The following MMRN2 variants were observed in gnomAD, a reference collection of about 807,000 sequenced individuals.
MMRN2 encodes the protein multimerin 2, also known as multimerin-2.
A neutral mutation model predicts 68.8 loss-of-function variants in MMRN2; 53 were observed. That is an observed-to-expected ratio of 0.77 (90% CI 0.62 to 0.97). MMRN2 has a LOEUF of 0.97. MMRN2 is among the 50% of genes least tolerant of loss of function. The pLI, the probability that MMRN2 is intolerant of heterozygous loss-of-function variation, is 0.00. For synonymous variants in MMRN2, 564 were observed against 551.6 expected, an observed-to-expected ratio of 1.02 and a Z score of -0.32; for missense variants, 1,266 against 1,259.5, an observed-to-expected ratio of 1.01 and a Z score of -0.08.
chr10:86,941,503 G>T (rs1318055875), intron 6 of MMRN2, among the ~76,000 whole-genome samples: 1 of 152,056 alleles, frequency 6.6e-6, no homozygotes, highest in Non-Finnish European at 1.5e-5. Flanking sequence ...GTTGATGCAA[G>T]AAACTGAAAT....
In MMRN2 at chr10:86,936,940, C is replaced by T. The variant is rs1425721526; in HGVS notation, c.2653G>A (p.Gly885Arg). The T allele has an allele frequency of 1.4e-5, 22 of 1,614,218 alleles. No individual in the cohort carries two copies. Among genetic ancestry groups the T allele is most frequent in the Non-Finnish European group, 1.8e-5 (21 of 1,180,038 alleles). ...TGGTGACCTCCAAACACCAGCTGCC[C>T]GGTGCCTGGCCCTGGGCCAAATTCA... The part of the protein sequence containing the change: ...SVEFGPGPGT[G>R]QLVFGGHHRT... Residue 885 changes from glycine (G) to arginine (R), a missense_variant, in exon 7 of 7, where the codon GGG becomes AGG. Coordinates refer to ENST00000372027, the MANE Select transcript of MMRN2 (RefSeq NM_024756.3).
intron 6 of MMRN2, among the ~76,000 whole-genome samples, chr10:86,941,827 GAAAAAAAAAACAAAA>G (rs1454068909): frequency 7.4e-6 from 1 of 135,250 alleles, no homozygotes; most frequent in African/African-American, 2.8e-5. Context: ...AAAAGAAAAA[GAAAAAAAAAACAAAA>G]AAAAAACTAA....
At chr10:86,951,212 G>A (rs1477375225) in intron 1 of MMRN2, among the ~76,000 whole-genome samples, 1 of 152,238 alleles carries the variant, frequency 6.6e-6, no homozygotes, top group Non-Finnish European at 1.5e-5. Flanking sequence ...TGGGACCAGA[G>A]GGAGCTGGGG....
At chr10:86,945,806 A>G (rs777452456) in intron 1 of MMRN2, 117 bp from the exon 2 acceptor site, 3 of 1,550,446 alleles carry the variant, frequency 1.9e-6, no homozygotes, top group South Asian at 1.2e-5. Flanking sequence ...TCTGGAATCC[A>G]TTATCCTGAG....
At chr10:86,948,331 T>C (rs1246537320) in intron 1 of MMRN2, among the ~76,000 whole-genome samples, 2 of 150,624 alleles carry the variant, frequency 1.3e-5, no homozygotes, top group East Asian at 3.9e-4. Context: ...ACATTTGTAC[T>C]AAGATTTCCA....
intron 3 of MMRN2, 28 bp downstream of exon 3, chr10:86,945,342 G>C (rs1039704216): frequency 1.2e-6 from 2 of 1,605,608 alleles, no homozygotes; most frequent in African/African-American, 1.3e-5. Context: ...AGAGGTCAAG[G>C]GGGGAAGGGG....
rs180963594 is a variant in MMRN2 at position 86,947,391 on chromosome 10, G to A, written c.165-1702C>T. ...CGAGTGACTTTTTTTTTTTTGAGAC[G>A]GAGTCTCGCACTGTCGCTTGGGCTG... On this transcript the variant is annotated intron_variant, in intron 1 of 6. Transcript: ENST00000372027. Among the ~76,000 whole-genome samples, 29 of 151,444 alleles carry A rather than the reference G, an allele frequency of 1.9e-4. No individual in the cohort carries two copies. In the East Asian group the frequency reaches 2.3e-3, roughly 12 times the overall value.
At chr10:86,956,024 C>T (rs1844219390) in intron 1 of MMRN2, among the ~76,000 whole-genome samples, 1 of 152,162 alleles carries the variant, frequency 6.6e-6, no homozygotes, top group Non-Finnish European at 1.5e-5. Context: ...CCCTCCCGTC[C>T]ACCGGGTCCT....
Position 86,937,106 on chromosome 10 carries a change from A to G in MMRN2, c.2487T>C (p.Tyr829=), listed in dbSNP as rs1843891931. 1 of 1,614,210 alleles carries G rather than the reference A, an allele frequency of 6.2e-7. No homozygotes were observed. Among genetic ancestry groups the G allele is most frequent in the Non-Finnish European group, 8.5e-7 (1 of 1,180,028 alleles). ...LWEAGSPVAF[Y]ASFSEGTAAL... ...CAGCCGTCCCTTCTGAAAAGCTGGC[A>G]TAGAAGGCCACAGGGGATCCTGAAA... The change falls in exon 7 of 7, where the codon TAT becomes TAC. Residue 829 remains tyrosine, a synonymous_variant. Transcript: ENST00000372027.
At chr10:86,946,919 C>T (rs1035187316) in intron 1 of MMRN2, among the ~76,000 whole-genome samples, 2 of 152,070 alleles carry the variant, frequency 1.3e-5, no homozygotes, top group African/African-American at 4.8e-5. Context: ...GTCTTAAGGC[C>T]AGAAAGTCGG....
In MMRN2 at chr10:86,943,211, G is replaced by T; in HGVS notation, c.1573C>A (p.Arg525=). 1 of 1,609,532 alleles carries T rather than the reference G, an allele frequency of 6.2e-7. No homozygotes were observed. Among genetic ancestry groups the T allele is most frequent in the Non-Finnish European group, 8.5e-7 (1 of 1,177,464 alleles). ...AGGGAGGAGCCGTCCAGCTGCCGCC[G>T]CTCGTCCAGGCTCACCTGGGTCTCC... The part of the protein sequence containing the change: ...LEETQVSLDE[R]RQLDGSSLQA... The change falls in exon 6 of 7, where the codon CGG becomes AGG. Residue 525 remains arginine (R), a synonymous_variant. Transcript: ENST00000372027. The surrounding 1 kb of genome is among the most constrained non-coding windows in gnomAD (Gnocchi z 4.2).
rs1589301610 is a variant in MMRN2 at position 86,943,039 on chromosome 10, G to A, written c.1745C>T (p.Ala582Val). 5.2e-6 allele frequency: 7 copies of A among 1,352,834 alleles called. No individual in the cohort carries two copies. The highest frequency in any genetic ancestry group is 6.6e-6 in the Non-Finnish European group (7 of 1,055,812). The allele number at this position is 1,352,834 out of a possible 1,614,324, so 83.8% of individuals were successfully genotyped here. ...DDEVGALKAA[A>V]AEARHEVRQL... ...GCGCACCTCGTGGCGGGCCTCGGCCGCGGCCGCCTTCAGCGCGCCCACCTC... is the reference window on the plus strand; with the variant it reads ...GCGCACCTCGTGGCGGGCCTCGGCCACGGCCGCCTTCAGCGCGCCCACCTC... Residue 582 changes from alanine to valine, a missense_variant, in exon 6 of 7, where the codon GCG becomes GTG. Coordinates refer to ENST00000372027, the MANE Select transcript of MMRN2 (RefSeq NM_024756.3). This position sits in a 1 kb window ranked among gnomAD's most constrained non-coding sequence, Gnocchi z 4.2.
intron 1 of MMRN2, among the ~76,000 whole-genome samples, chr10:86,954,942 G>T (rs569777256): frequency 7.9e-5 from 12 of 152,274 alleles, no homozygotes; most frequent in African/African-American, 2.9e-4. Flanking sequence ...TCATATGCTG[G>T]ACTCCTCTGG....
Position 86,942,688 on chromosome 10 carries a change from C to G in MMRN2, c.2096G>C (p.Arg699Pro), listed in dbSNP as rs760938807. The G allele has an allele frequency of 1.3e-6, 2 of 1,572,064 alleles. No individual in the cohort carries two copies. Among genetic ancestry groups the G allele is most frequent in the Non-Finnish European group, 1.7e-6 (2 of 1,165,158 alleles). Residue 699 changes from arginine to proline, a missense_variant, in exon 6 of 7, where the codon CGG becomes CCG. By Grantham distance (103) the Arg-to-Pro change is moderately radical (BLOSUM62 -2). Coordinates refer to ENST00000372027, the MANE Select transcript of MMRN2 (RefSeq NM_024756.3). ...AATTALAGLARELQSLSNDVK... is the reference protein window; with the variant it reads ...AATTALAGLAPELQSLSNDVK... ...GTCGTTGCTCAGGCTCTGGAGCTCC[C>G]GCGCCAGCCCGGCCAGGGCGGTGGT...
In MMRN2 at chr10:86,945,571, C is replaced by T. The variant is rs1437841620; in HGVS notation, c.283G>A (p.Val95Ile). The change falls in exon 2 of 7, where the codon GTC becomes ATC. Residue 95 changes from valine (V) to isoleucine (I), a missense_variant. Coordinates refer to ENST00000372027, the MANE Select transcript of MMRN2 (RefSeq NM_024756.3). ...CCCTCCCCTACTCACATGACTTTGA[C>T]TTTCTGGCAGTCTGGAGCTCCCTGC... ...CPQGAPDCQKVKVMYRMAHKP... is the reference protein window; with the variant it reads ...CPQGAPDCQKIKVMYRMAHKP... The T allele has an allele frequency of 1.3e-6, 2 of 1,598,008 alleles. No individual in the cohort carries two copies. The highest frequency in any genetic ancestry group is 1.3e-5 in the African/African-American group (1 of 74,744).
At chr10:86,938,455 ATG>A (rs1306565225) in intron 6 of MMRN2, among the ~76,000 whole-genome samples, 6 of 152,232 alleles carry the variant, frequency 3.9e-5, no homozygotes, top group Admixed American at 2.0e-4. Flanking sequence ...GGAAGCTGCC[ATG>A]TGTGGAGGGT....
In MMRN2 at chr10:86,955,317, G is replaced by A. The variant is rs375251848; in HGVS notation, c.164+2061C>T. ...GGCACAGAAACAGCCTCTTCCTCCCGGAGTCCTAATGCTCAGGCTGCTGGC... is the reference window on the plus strand; with the variant it reads ...GGCACAGAAACAGCCTCTTCCTCCCAGAGTCCTAATGCTCAGGCTGCTGGC... On this transcript the variant is annotated intron_variant, in intron 1 of 6. Transcript: ENST00000372027. Among the ~76,000 whole-genome samples the A allele has an allele frequency of 1.4e-4, 21 of 152,280 alleles. No individual in the cohort carries two copies. The East Asian group carries it at 3.3e-3, about 24-fold the overall frequency.
chr10:86,948,130 G>A (rs1489639180), intron 1 of MMRN2, among the ~76,000 whole-genome samples: 4 of 151,584 alleles, frequency 2.6e-5, no homozygotes, highest in African/African-American at 9.7e-5. Flanking sequence ...GGAGGCTGAG[G>A]TAGGAGGATT....
rs1844019207 is a variant in MMRN2, at chr10:86,943,699, G to T, written c.1085C>A (p.Ala362Glu). ...CTGCAGGCTGTCCGGCTCAGGCCTT[G>T]CCCCAGCCCCAGGCGTTGCCAACAC... ...SLVLATPGAG[A>E]RPEPDSLQAR... Residue 362 changes from alanine to glutamate, a missense_variant, in exon 6 of 7, where the codon GCA becomes GAA. Physicochemically the swap from Ala to Glu is moderately radical, Grantham distance 107 (BLOSUM62 -1). Coordinates refer to ENST00000372027, the MANE Select transcript of MMRN2 (RefSeq NM_024756.3). This position sits in a 1 kb window ranked among gnomAD's most constrained non-coding sequence, Gnocchi z 4.2. 4.3e-6 allele frequency: 7 copies of T among 1,609,814 alleles called. No individual in the cohort carries two copies. The South Asian group carries it at 5.5e-5, about 13-fold the overall frequency.
Sources: allele counts gnomAD v4.1 joint callset (sites outside exome capture counted in the v4.1 genomes callset), GRCh38; gene constraint gnomAD v4.1.1; non-coding constraint Gnocchi (gnomAD v3.1); transcripts MANE v1.5; gene names NCBI Gene and HGNC (gene_info 2026-07-23, HGNC 2026-07-21).